MBD2: variants seen among roughly 807,000 people sequenced by gnomAD.
MBD2 encodes methyl-CpG-binding domain protein 2.
MBD2 carries 9 observed loss-of-function variants against 39.3 expected under a neutral mutation model. The ratio of observed to expected loss-of-function variants is 0.23; its 90% CI spans 0.14 to 0.40. The LOEUF (loss-of-function observed/expected upper bound fraction) is 0.40. MBD2 is among the 10% of genes least tolerant of loss of function. The probability of loss-of-function intolerance (pLI) is 1.00; values close to 1 mark genes in which losing one functional copy is unlikely to be tolerated. For missense variants in MBD2, 458 were observed against 532.6 expected, an observed-to-expected ratio of 0.86 and a Z score of 1.38; for synonymous variants, 233 against 211.1, an observed-to-expected ratio of 1.10 and a Z score of -0.90.
intron 2 of MBD2, among the ~76,000 whole-genome samples, chr18:54,198,758 G>A (rs993724463): frequency 1.3e-5 from 2 of 152,140 alleles, no homozygotes; most frequent in African/African-American, 4.8e-5. Context: ...AAAGGTTCCT[G>A]GAGGTCTTTC....
intron 3 of MBD2, among the ~76,000 whole-genome samples, chr18:54,168,713 G>C (rs1057129906): frequency 1.2e-4 from 18 of 149,930 alleles, no homozygotes; most frequent in Admixed American, 7.3e-4. Flanking sequence ...AAAAAGGTCA[G>C]AGAAGGAAAG....
At chr18:54,159,941 G>A (rs531979665) in intron 5 of MBD2, 38 bp from the exon 6 acceptor site, 4 of 1,603,734 alleles carry the variant, frequency 2.5e-6, no homozygotes, top group Middle Eastern at 1.7e-4. Flanking sequence ...TGAGAATTTG[G>A]CAAGTAATGA....
chr18:54,190,984 G>A (rs1289013391), intron 2 of MBD2, among the ~76,000 whole-genome samples: 2 of 152,116 alleles, frequency 1.3e-5, no homozygotes, highest in Admixed American at 1.3e-4. Flanking sequence ...CAATTATCGT[G>A]TTTTCTCAGA....
intron 1 of MBD2, among the ~76,000 whole-genome samples, chr18:54,220,333 T>C (rs765848318): frequency 6.6e-6 from 1 of 152,012 alleles, no homozygotes; most frequent in Non-Finnish European, 1.5e-5. Flanking sequence ...TAGATGATAA[T>C]ATATGAACCA....
chr18:54,159,610 G>T, intron 6 of MBD2, 155 bp downstream of exon 6: 1 of 701,572 alleles, frequency 1.4e-6, no homozygotes, highest in Non-Finnish European at 2.4e-6. Flanking sequence ...GTAGAGATGG[G>T]GTTTTGCCAT....
chr18:54,168,572 C>CATATAT lies in MBD2; in HGVS notation c.841-2412_841-2407dup, dbSNP rs56174434. 1.9e-3 allele frequency among the ~76,000 whole-genome samples: 214 copies of CATATAT among 114,878 alleles called. 16 individuals carry two copies. The highest frequency in any genetic ancestry group is 5.8e-3 in the African/African-American group (154 of 26,432). 75.4% of individuals were successfully genotyped at this position (114,878 alleles called of 152,430 possible). ...TTGTTATGCCATGAAAATGGAGATACATATATATATATATATATATATATA... is the reference window on the plus strand; with the variant it reads ...TTGTTATGCCATGAAAATGGAGATACATATATATATATATATATATATATATATATA... On this transcript the variant is annotated intron_variant, in intron 3 of 6. Transcript: ENST00000256429.
At chr18:54,160,650 T>TAAAAAA (rs574101659) in intron 5 of MBD2, among the ~76,000 whole-genome samples, 1 of 74,522 alleles carries the variant, frequency 1.3e-5, no homozygotes. Context: ...CTTTAAAAAG[T>TAAAAAA]AAAAAAAAAA....
In MBD2 at chr18:54,224,577, C is replaced by A; in HGVS notation, c.-18G>T. ...GCGCGCATCCAGCCCCCTCCCCAGC[C>A]GGCGCTGCGCTTCTTCCGTAACCGA... On this transcript the variant is annotated 5_prime_UTR_variant, in exon 1 of 7. Coordinates refer to ENST00000256429, the MANE Select transcript of MBD2 (RefSeq NM_003927.5). 8.2e-7 allele frequency: 1 copy of A among 1,223,246 alleles called. No individual in the cohort carries two copies. 75.8% of individuals were successfully genotyped at this position (1,223,246 alleles called of 1,614,324 possible). A position where few individuals can be genotyped will look rare whatever the true frequency, so the allele number is the denominator to read the frequency against.
At chr18:54,211,136 G>GC (rs2086502647) in intron 1 of MBD2, among the ~76,000 whole-genome samples, 1 of 151,858 alleles carries the variant, frequency 6.6e-6, no homozygotes, top group Admixed American at 6.6e-5. Context: ...CTCCCAAAGT[G>GC]CTGGGATTAC....
intron 3 of MBD2, among the ~76,000 whole-genome samples, chr18:54,173,751 G>A (rs914814538): frequency 1.3e-5 from 2 of 152,182 alleles, no homozygotes; most frequent in Admixed American, 6.5e-5. Flanking sequence ...GTATTAGTAA[G>A]GAAGATTGGA....
At chr18:54,215,790 G>A (rs553392646) in intron 1 of MBD2, among the ~76,000 whole-genome samples, 5 of 148,750 alleles carry the variant, frequency 3.4e-5, no homozygotes, top group South Asian at 4.3e-4. Flanking sequence ...CACCAAGCCC[G>A]GCCTTTTTTT....
In MBD2 at chr18:54,152,376, T is replaced by C. The variant is rs1375003369; in HGVS notation, c.*2948A>G. ...GGTGCAGTGAGGAATAGTGGCAGCATGAGGCCAGACAGACAAGCAGGGATC... is the reference window on the plus strand; with the variant it reads ...GGTGCAGTGAGGAATAGTGGCAGCACGAGGCCAGACAGACAAGCAGGGATC... On this transcript the variant is annotated 3_prime_UTR_variant, in exon 7 of 7. Transcript: ENST00000256429. 6.6e-6 allele frequency: 1 copy of C among 152,254 alleles called. No homozygotes were observed. The highest frequency in any genetic ancestry group is 2.1e-4 in the South Asian group (1 of 4,838). 9.4% of individuals were successfully genotyped at this position (152,254 alleles called of 1,614,324 possible). A position where few individuals can be genotyped will look rare whatever the true frequency, so the allele number is the denominator to read the frequency against.
chr18:54,156,752 C>A (rs1161189994), intron 6 of MBD2, among the ~76,000 whole-genome samples: 1 of 152,056 alleles, frequency 6.6e-6, no homozygotes, highest in African/African-American at 2.4e-5. Flanking sequence ...ACTTGGGAGA[C>A]TGAGGCAGGA....
intron 1 of MBD2, among the ~76,000 whole-genome samples, chr18:54,208,851 T>G (rs888466719): frequency 6.6e-6 from 1 of 152,172 alleles, no homozygotes; most frequent in African/African-American, 2.4e-5. Context: ...ACCAGTTCAT[T>G]TTAGATCTCT....
In MBD2 at chr18:54,154,944, A is replaced by G. The variant is rs2086042303; in HGVS notation, c.*380T>C. 1.3e-5 allele frequency: 2 copies of G among 152,664 alleles called. No individual in the cohort carries two copies. The highest frequency in any genetic ancestry group is 2.9e-5 in the Non-Finnish European group (2 of 68,034). The allele number at this position is 152,664 out of a possible 1,614,324, so 9.5% of individuals were successfully genotyped here. A position where few individuals can be genotyped will look rare whatever the true frequency, so the allele number is the denominator to read the frequency against. Reference sequence around the variant, plus strand: ...TATGTTTATATACAGTGAAGTCACAATAATCTTTAACTGGGAAATTTATTT... The same window carrying G: ...TATGTTTATATACAGTGAAGTCACAGTAATCTTTAACTGGGAAATTTATTT... On this transcript the variant is annotated 3_prime_UTR_variant, in exon 7 of 7. Transcript: ENST00000256429.
At chr18:54,196,958 G>C (rs950272211) in intron 2 of MBD2, among the ~76,000 whole-genome samples, 1 of 152,176 alleles carries the variant, frequency 6.6e-6, no homozygotes, top group Admixed American at 6.5e-5. Context: ...AGATGGAACA[G>C]TACTATTATT....
At chr18:54,209,165 G>A (rs1331128880) in intron 1 of MBD2, among the ~76,000 whole-genome samples, 1 of 151,974 alleles carries the variant, frequency 6.6e-6, no homozygotes, top group African/African-American at 2.4e-5. Context: ...GCGTGGCGGC[G>A]TGCGCCCGTA....
intron 2 of MBD2, among the ~76,000 whole-genome samples, chr18:54,202,204 G>T (rs7239431): frequency 6.6e-6 from 1 of 152,096 alleles, no homozygotes; most frequent in South Asian, 2.1e-4. Flanking sequence ...TTAGCTAGGC[G>T]TGGTGGTGGG....
chr18:54,179,872 TCTAA>T (rs2086237601), intron 3 of MBD2, among the ~76,000 whole-genome samples: 1 of 149,806 alleles, frequency 6.7e-6, no homozygotes, highest in Non-Finnish European at 1.5e-5. Flanking sequence ...TATTGGAAGT[TCTAA>T]CTAATAAAAT....
Sources: allele counts gnomAD v4.1 joint callset (sites outside exome capture counted in the v4.1 genomes callset), GRCh38; gene constraint gnomAD v4.1.1; transcripts MANE v1.5; gene names NCBI Gene and HGNC (gene_info 2026-07-23, HGNC 2026-07-21).